MKI67: variants seen among roughly 807,000 people sequenced by gnomAD.
The protein encoded by MKI67 is marker of proliferation Ki-67.
A neutral mutation model predicts 233.5 loss-of-function variants in MKI67; 152 were observed. The observed-to-expected ratio is 0.65, with a 90% confidence interval of 0.57 to 0.74. The LOEUF (loss-of-function observed/expected upper bound fraction) is 0.74. Among genes scored for constraint, MKI67 ranks in the 30% least tolerant of loss-of-function variants. MKI67 has a pLI of 0.00. For synonymous variants in MKI67, 1,465 were observed against 1,418.5 expected, an observed-to-expected ratio of 1.03 and a Z score of -0.74; for missense variants, 3,940 against 3,885.2, an observed-to-expected ratio of 1.01 and a Z score of -0.37.
Position 128,125,796 on chromosome 10 carries a change from T to A in MKI67, c.-89-40A>T, listed in dbSNP as rs1238877397. 2 of 789,544 alleles carry A rather than the reference T, an allele frequency of 2.5e-6. No individual in the cohort carries two copies. Among genetic ancestry groups the A allele is most frequent in the Admixed American group, 4.0e-5 (2 of 49,620 alleles). 48.9% of individuals were successfully genotyped at this position (789,544 alleles called of 1,614,324 possible). On this transcript the variant is annotated intron_variant, in intron 1 of 14. Coordinates refer to ENST00000368654, the MANE Select transcript of MKI67 (RefSeq NM_002417.5). This position sits in a 1 kb window ranked among gnomAD's most constrained non-coding sequence, Gnocchi z 5.3. ...CGAGTTACTCTGATAGCAAAGGAGC[T>A]AAGAAGGGCCCCGTGCCCAATTCAC...
rs1015976273 is a variant in MKI67 at position 128,107,738 on chromosome 10, T to C, written c.4102A>G (p.Thr1368Ala). 4 of 1,613,574 alleles carry C rather than the reference T, an allele frequency of 2.5e-6. No homozygotes were observed. Among genetic ancestry groups the C allele is most frequent in the Non-Finnish European group, 3.4e-6 (4 of 1,179,970 alleles). Reference protein sequence around the residue: ...HTEEAVAAGKTTKMPCESSPP... With the variant: ...HTEEAVAAGKATKMPCESSPP... Reference sequence around the variant, plus strand: ...GAAGATTCGCAGGGCATTTTAGTAGTTTTGCCAGCAGCCACTGCTTCTTCA... The same window carrying C: ...GAAGATTCGCAGGGCATTTTAGTAGCTTTGCCAGCAGCCACTGCTTCTTCA... Residue 1368 changes from threonine (T) to alanine (A), a missense_variant, in exon 13 of 15, where the codon ACT becomes GCT. By Grantham distance (58) the Thr-to-Ala change is moderately conservative. Coordinates refer to ENST00000368654, the MANE Select transcript of MKI67 (RefSeq NM_002417.5).
chr10:128,109,086 T>A lies in MKI67; in HGVS notation c.2754A>T (p.Arg918Ser). The change falls in exon 13 of 15, where the codon AGA becomes AGT. Residue 918 changes from arginine (R) to serine (S), a missense_variant. Arg to Ser is a moderately radical substitution (Grantham distance 110, BLOSUM62 -1). Transcript: ENST00000368654. ...TTTCTATTTCCTTCATCTCTCCTTC[T>A]CTCCTTTGTTGTAGTAGTGTTGCCT... The part of the protein sequence containing the change: ...GQKATLLQQR[R>S]EGEMKEIERP... 6.2e-7 allele frequency: 1 copy of A among 1,614,210 alleles called. No homozygotes were observed.
At chr10:128,116,158 T>G (rs1446184386) in intron 6 of MKI67, 151 bp from the exon 7 acceptor site, 4 of 840,270 alleles carry the variant, frequency 4.8e-6, no homozygotes, top group Non-Finnish European at 7.2e-6. Flanking sequence ...AACTTGCAAG[T>G]CTTATGATAC....
At position 128,105,978 on chromosome 10, in the gene MKI67, C is replaced by T. The variant is rs1852480285; in HGVS notation, c.5862G>A (p.Leu1954=). Residue 1954 remains leucine (L), a synonymous_variant, in exon 13 of 15, where the codon CTG becomes CTA. Transcript: ENST00000368654. The stretch of plus-strand genomic sequence containing the variant: ...TCTGGAAGAGCTCTTTGAAGCCAGC[C>T]AGATCTTCTAGAGCCTTGGCCTTTT... The part of the protein sequence containing the change: ...PKEKAKALED[L]AGFKELFQTP... The T allele has an allele frequency of 6.2e-7, 1 of 1,614,064 alleles. No homozygotes were observed. Among genetic ancestry groups the T allele is most frequent in the African/African-American group, 1.3e-5 (1 of 74,908 alleles).
rs201492564 is a variant in MKI67, at chr10:128,106,486, G to A, written c.5354C>T (p.Pro1785Leu). Residue 1785 changes from proline to leucine, a missense_variant, in exon 13 of 15, where the codon CCC (proline) becomes CTC (leucine). Physicochemically the swap from Pro to Leu is moderately conservative, Grantham distance 98 (BLOSUM62 -3). Coordinates refer to ENST00000368654, the MANE Select transcript of MKI67 (RefSeq NM_002417.5). Reference protein sequence around the residue: ...TPSAGKAMHTPKPAVGEEKDI... With the variant: ...TPSAGKAMHTLKPAVGEEKDI... ...TTTCTCTTCACCTACTGCTGGTTTG[G>A]GTGTGTGCATGGCTTTGCCTGCTGA... The A allele has an allele frequency of 7.4e-6, 12 of 1,613,728 alleles. No individual in the cohort carries two copies. The highest frequency in any genetic ancestry group is 1.0e-5 in the Non-Finnish European group (12 of 1,179,936).
At position 128,097,052 on chromosome 10, in the gene MKI67, C is replaced by G. The variant is rs1852227016; in HGVS notation, c.*2138G>C. On this transcript the variant is annotated 3_prime_UTR_variant, in exon 15 of 15. Transcript: ENST00000368654. ...TAAGGGAGGCAGGAGATGGTAGGTA[C>G]AGAGTTAGTGTAAGAAAGCCCAAGA... 1 of 152,196 alleles carries G rather than the reference C, an allele frequency of 6.6e-6. No individual in the cohort carries two copies. The highest frequency in any genetic ancestry group is 6.5e-5 in the Admixed American group (1 of 15,278). The allele number at this position is 152,196 out of a possible 1,614,324, so 9.4% of individuals were successfully genotyped here.
chr10:128,116,114 C>A, intron 6 of MKI67, 107 bp from the exon 7 acceptor site: 1 of 1,320,176 alleles, frequency 7.6e-7, no homozygotes, highest in Non-Finnish European at 1.0e-6. Context: ...TATAAGCTAG[C>A]TTTTACTTGG....
At chr10:128,116,744 T>A (rs1421813924) in intron 5 of MKI67, among the ~76,000 whole-genome samples, 2 of 152,184 alleles carry the variant, frequency 1.3e-5, no homozygotes, top group Non-Finnish European at 2.9e-5. Flanking sequence ...TCATCTCTAC[T>A]GCAAATACAA....
chr10:128,103,507 G>A lies in MKI67; in HGVS notation c.8333C>T (p.Ala2778Val), dbSNP rs778779056. 6.2e-7 allele frequency: 1 copy of A among 1,613,200 alleles called. No individual in the cohort carries two copies. Among genetic ancestry groups the A allele is most frequent in the East Asian group, 2.2e-5 (1 of 44,770 alleles). Residue 2778 changes from alanine (A) to valine (V), a missense_variant, in exon 13 of 15, where the codon GCA (alanine) becomes GTA (valine). Ala to Val is a moderately conservative substitution (Grantham distance 64, BLOSUM62 0). Transcript: ENST00000368654. ...ESAKQTPAPA[A>V]SVTGSRRRPR... ...CCGTCTCCTGCTGCCAGTTACACTT[G>A]CTGCTGGAGCCGGTGTCTGTTTTGC...
In MKI67 at chr10:128,108,226, G is replaced by A; in HGVS notation, c.3614C>T (p.Pro1205Leu). 2.5e-6 allele frequency: 4 copies of A among 1,612,768 alleles called. No individual in the cohort carries two copies. The highest frequency in any genetic ancestry group is 3.4e-6 in the Non-Finnish European group (4 of 1,179,734). The part of the protein sequence containing the change: ...VQKLDLAGTL[P>L]GSKRQLQTPK... ...AGTCTGTAGCTGTCTTTTGCTGCCAGGTAAAGTTCCTGCCAGGTCCAGTTT... is the reference window on the plus strand; with the variant it reads ...AGTCTGTAGCTGTCTTTTGCTGCCAAGTAAAGTTCCTGCCAGGTCCAGTTT... The change falls in exon 13 of 15, where the codon CCT becomes CTT. Residue 1205 changes from proline (P) to leucine (L), a missense_variant. Pro to Leu is a moderately conservative substitution (Grantham distance 98). Coordinates refer to ENST00000368654, the MANE Select transcript of MKI67 (RefSeq NM_002417.5).
In MKI67 at chr10:128,115,331, T is replaced by C. The variant is rs775016751; in HGVS notation, c.1077A>G (p.Gln359=). 2 of 1,614,158 alleles carry C rather than the reference T, an allele frequency of 1.2e-6. No homozygotes were observed. The highest frequency in any genetic ancestry group is 2.2e-5 in the East Asian group (1 of 44,892). The part of the protein sequence containing the change: ...VQYSQQQNSP[Q]KHKNKDLYTT... ...TATACAGGTCTTTGTTCTTATGTTT[T>C]TGTGGAGAATTTTGTTGCTGTGAAT... is the stretch of plus-strand genomic sequence containing the variant. Residue 359 remains glutamine (Q), a synonymous_variant, in exon 7 of 15, where the codon CAA becomes CAG. Transcript: ENST00000368654.
At position 128,123,146 on chromosome 10, in the gene MKI67, A is replaced by T. The variant is rs775284352; in HGVS notation, c.116T>A (p.Ile39Asn). 1.5e-5 allele frequency: 25 copies of T among 1,613,880 alleles called. No homozygotes were observed. The highest frequency in any genetic ancestry group is 3.3e-4 in the Middle Eastern group (2 of 6,078). Reference sequence around the variant, plus strand: ...TTGTTTTGACACAACAGGAAGCTGGATACGGATGTCACATTCAATACCCCT... The same window carrying T: ...TTGTTTTGACACAACAGGAAGCTGGTTACGGATGTCACATTCAATACCCCT... The part of the protein sequence containing the change: ...FGRGIECDIR[I>N]QLPVVSKQHC... Residue 39 changes from isoleucine (I) to asparagine (N), a missense_variant, in exon 3 of 15, where the codon ATC becomes AAC. Transcript: ENST00000368654.
chr10:128,116,937 GT>G (rs1190849088), intron 5 of MKI67, among the ~76,000 whole-genome samples: 1 of 152,084 alleles, frequency 6.6e-6, no homozygotes, highest in Non-Finnish European at 1.5e-5. Context: ...ATAAAAAATT[GT>G]TTTCTTTACC....
chr10:128,107,225 G>C lies in MKI67; in HGVS notation c.4615C>G (p.His1539Asp). ...KRTPSAGKAM[H>D]TPKPAVSGEK... ...CCACTTACTGCTGGTTTGGGTGTGT[G>C]CATGGCTTTGCCTGCTGATGGTGTT... is the stretch of plus-strand genomic sequence containing the variant. The change falls in exon 13 of 15, where the codon CAC becomes GAC. Residue 1539 changes from histidine (H) to aspartate (D), a missense_variant. Transcript: ENST00000368654. 1 of 1,614,182 alleles carries C rather than the reference G, an allele frequency of 6.2e-7. No individual in the cohort carries two copies. The highest frequency in any genetic ancestry group is 8.5e-7 in the Non-Finnish European group (1 of 1,180,040).
intron 5 of MKI67, among the ~76,000 whole-genome samples, chr10:128,118,426 G>A (rs969386581): frequency 6.8e-5 from 10 of 146,788 alleles, no homozygotes; most frequent in African/African-American, 2.2e-4. Flanking sequence ...AGGCAGAAAT[G>A]TTGAAATTCA....
intron 4 of MKI67, 56 bp downstream of exon 4, chr10:128,122,825 G>T: frequency 1.1e-6 from 1 of 872,234 alleles, no homozygotes. Flanking sequence ...TTTGACACTA[G>T]TTTATGGTTA....
chr10:128,119,210 A>G (rs1273579692), intron 5 of MKI67, 43 bp downstream of exon 5: 2 of 1,348,656 alleles, frequency 1.5e-6, no homozygotes, highest in African/African-American at 1.4e-5. Flanking sequence ...ATGATTTCAT[A>G]TCATCGAAAC....
chr10:128,126,385 C>A lies in MKI67; in HGVS notation c.-376G>T. 3.5e-5 allele frequency: 1 copy of A among 28,184 alleles called. No homozygotes were observed. Among genetic ancestry groups the A allele is most frequent in the South Asian group, 1.2e-3 (1 of 848 alleles). The allele number at this position is 28,184 out of a possible 1,614,324, so 1.7% of individuals were successfully genotyped here. A position where few individuals can be genotyped will look rare whatever the true frequency, so the allele number is the denominator to read the frequency against. ...TCCCACCGAGTCGAGTCCTCCCGCC[C>A]GCCCGCCCGCCCGCAGCGTCAGCCC... On this transcript the variant is annotated 5_prime_UTR_variant, in exon 1 of 15. Coordinates refer to ENST00000368654, the MANE Select transcript of MKI67 (RefSeq NM_002417.5).
chr10:128,115,730 A>G lies in MKI67; in HGVS notation c.678T>C (p.Cys226=). 6.2e-7 allele frequency: 1 copy of G among 1,613,794 alleles called. No individual in the cohort carries two copies. The highest frequency in any genetic ancestry group is 1.1e-5 in the South Asian group (1 of 91,082). The stretch of plus-strand genomic sequence containing the variant: ...ATTCATTTTTTTTGCTATTGTCAAG[A>G]CATTGTGTAGTGGGAACAGACTTCA... The part of the protein sequence containing the change: ...GELKSVPTTQ[C]LDNSKKNESP... Residue 226 remains cysteine, a synonymous_variant, in exon 7 of 15, where the codon TGT becomes TGC. Transcript: ENST00000368654.
Sources: allele counts gnomAD v4.1 joint callset (sites outside exome capture counted in the v4.1 genomes callset), GRCh38; gene constraint gnomAD v4.1.1; non-coding constraint Gnocchi (gnomAD v3.1); transcripts MANE v1.5; gene names NCBI Gene and HGNC (gene_info 2026-07-23, HGNC 2026-07-21).